Variants in FRMD6 observed in about 807,000 individuals in gnomAD.
FRMD6 encodes the protein FERM domain containing 6.
Under a neutral mutation model 73.2 loss-of-function variants are expected in FRMD6, and 37 were observed. The observed-to-expected ratio is 0.51, with a 90% CI of 0.39 to 0.66. FRMD6 has a LOEUF of 0.66. Among genes scored for constraint, FRMD6 ranks in the 30% least tolerant of loss-of-function variants. FRMD6 has a pLI of 0.00. For missense variants in FRMD6, 714 were observed against 780.5 expected (o/e 0.91, Z 1.02); for synonymous variants, 273 against 282.2 (o/e 0.97, Z 0.33).
At chr14:51,589,973 T>C (rs558128698) in intron 2 of FRMD6, among the ~76,000 whole-genome samples, 1 of 148,340 alleles carries the variant, frequency 6.7e-6, no homozygotes, top group East Asian at 2.0e-4. Context: ...GAGGCTTAGG[T>C]AGGAGAATTG....
At chr14:51,521,152 G>A (rs1321436145) in intron 1 of FRMD6, among the ~76,000 whole-genome samples, 6 of 152,118 alleles carry the variant, frequency 3.9e-5, no homozygotes, top group African/African-American at 7.2e-5. Context: ...CTGAGGTGAC[G>A]AAAATGTTCT....
the FRMD6 span, among the ~76,000 whole-genome samples, chr14:51,445,854 G>T: frequency 6.6e-6 from 1 of 152,302 alleles, no homozygotes; most frequent in African/African-American, 2.4e-5. Context: ...CAATAAATAT[G>T]TATTAAATTA....
At chr14:51,501,564 C>T (rs1002019656) in intron 1 of FRMD6, among the ~76,000 whole-genome samples, 7 of 152,180 alleles carry the variant, frequency 4.6e-5, no homozygotes, top group African/African-American at 1.7e-4. Context: ...CTTTTTATGG[C>T]TCCATAGTAT....
chr14:51,462,923 A>G, the FRMD6 span, among the ~76,000 whole-genome samples: 1 of 152,228 alleles, frequency 6.6e-6, no homozygotes, highest in Non-Finnish European at 1.5e-5. Flanking sequence ...ACATTAAGCA[A>G]GTAACTGAAT....
At chr14:51,458,752 T>TA in the FRMD6 span, among the ~76,000 whole-genome samples, 1 of 152,230 alleles carries the variant, frequency 6.6e-6, no homozygotes, top group African/African-American at 2.4e-5. Flanking sequence ...TCATTTCCAG[T>TA]ATGACCAACT....
At chr14:51,684,085 C>T (rs574852965) in intron 1 of FRMD6, among the ~76,000 whole-genome samples, 49 of 151,956 alleles carry the variant, frequency 3.2e-4, no homozygotes, top group African/African-American at 1.1e-3. Context: ...TTCAGTTTAT[C>T]TCTCACCTTA....
At chr14:51,454,435 T>C in the FRMD6 span, 1 of 152,204 alleles carries the variant, frequency 6.6e-6, no homozygotes, top group Non-Finnish European at 1.5e-5. Flanking sequence ...TGAAGAGGAC[T>C]GAGCTCTTCC....
At chr14:51,410,826 G>A in the FRMD6 span, among the ~76,000 whole-genome samples, 16 of 152,082 alleles carry the variant, frequency 1.1e-4, no homozygotes, top group Non-Finnish European at 1.9e-4. Context: ...CATTTATATC[G>A]TGGCTCTTTC....
chr14:51,594,549 G>T (rs796533967), intron 2 of FRMD6, among the ~76,000 whole-genome samples: 2 of 151,258 alleles, frequency 1.3e-5, no homozygotes, highest in African/African-American at 4.9e-5. Flanking sequence ...GGCTGGTCTC[G>T]AACTCCCGAC....
At chr14:51,539,626 A>T (rs567320446) in intron 1 of FRMD6, among the ~76,000 whole-genome samples, 1 of 152,260 alleles carries the variant, frequency 6.6e-6, no homozygotes, top group East Asian at 1.9e-4. Context: ...GGGCAATTAC[A>T]TTCCAGAATG....
intron 6 of FRMD6, among the ~76,000 whole-genome samples, chr14:51,706,559 A>G (rs1896633578): frequency 6.6e-6 from 1 of 151,828 alleles, no homozygotes; most frequent in Non-Finnish European, 1.5e-5. Flanking sequence ...GTGTCTCCAT[A>G]CTTACTGTGG....
intron 3 of FRMD6, among the ~76,000 whole-genome samples, chr14:51,700,831 T>A (rs1341624168): frequency 6.6e-6 from 1 of 151,906 alleles, no homozygotes; most frequent in African/African-American, 2.4e-5. Flanking sequence ...TATACTTTAA[T>A]AGTATGTGTT....
the FRMD6 span, among the ~76,000 whole-genome samples, chr14:51,478,027 T>A: frequency 6.6e-6 from 1 of 152,212 alleles, no homozygotes; most frequent in African/African-American, 2.4e-5. Flanking sequence ...TGTGAGCCAC[T>A]GCACCCAGAC....
intron 2 of FRMD6, among the ~76,000 whole-genome samples, chr14:51,645,945 A>G (rs1892046247): frequency 6.6e-6 from 1 of 152,184 alleles, no homozygotes; most frequent in Admixed American, 6.5e-5. Flanking sequence ...CAGGCTGTAC[A>G]TGCGTATTCT....
chr14:51,474,271 C>A, the FRMD6 span, among the ~76,000 whole-genome samples: 1 of 152,264 alleles, frequency 6.6e-6, no homozygotes, highest in South Asian at 2.1e-4. Flanking sequence ...AGAATAGAGA[C>A]AGGAGTTGGA....
chr14:51,704,519 A>G (rs1250495365), intron 5 of FRMD6: 2 of 472,654 alleles, frequency 4.2e-6, no homozygotes, highest in Non-Finnish European at 7.5e-6. Context: ...GCCTTAGGAA[A>G]CGTTATTTTT....
rs1334766669 is a variant in FRMD6, at chr14:51,698,180, T to C, written c.138T>C (p.Cys46=). The change falls in exon 3 of 14, where the codon TGT becomes TGC. Residue 46 remains cysteine (C), a synonymous_variant. Coordinates refer to ENST00000344768, the MANE Select transcript of FRMD6 (RefSeq NM_001267046.2). ...ILCHQLLVQV[C]DLLRLKDCHL... is the part of the protein sequence containing the mutation. ...GTCACCAGTTGCTGGTCCAGGTTTGTGACCTGCTCAGGCTAAAGGACTGCC... is the reference window on the plus strand; with the variant it reads ...GTCACCAGTTGCTGGTCCAGGTTTGCGACCTGCTCAGGCTAAAGGACTGCC... 1.9e-6 allele frequency: 3 copies of C among 1,612,658 alleles called. No individual in the cohort carries two copies. The African/African-American group carries it at 4.0e-5, about 22-fold the overall frequency.
chr14:51,668,286 A>ACAAC (rs1352995695), intron 1 of FRMD6, among the ~76,000 whole-genome samples: 1 of 152,128 alleles, frequency 6.6e-6, no homozygotes, highest in Non-Finnish European at 1.5e-5. Context: ...GATACTAAGG[A>ACAAC]CGGTTGCTTG....
the FRMD6 span, among the ~76,000 whole-genome samples, chr14:51,410,979 T>C: frequency 1.3e-5 from 2 of 152,210 alleles, no homozygotes; most frequent in Non-Finnish European, 2.9e-5. Flanking sequence ...TTTATTCATT[T>C]AACACATATT....
Sources: gnomAD v4.1 joint callset for allele counts (sites outside exome capture counted in the v4.1 genomes callset) on GRCh38, gnomAD v4.1.1 for gene constraint, MANE v1.5 for transcripts, NCBI Gene and HGNC (gene_info 2026-07-23, HGNC 2026-07-21) for gene names.